NDUFAF2: variants seen among roughly 807,000 people sequenced by gnomAD.
NDUFAF2 encodes NADH:ubiquinone oxidoreductase complex assembly factor 2.
Under a neutral mutation model 22.8 loss-of-function variants are expected in NDUFAF2, and 13 were observed. The observed-to-expected ratio is 0.57, with a 90% confidence interval of 0.37 to 0.91. The LOEUF (loss-of-function observed/expected upper bound fraction) is 0.91. Among genes scored for constraint, NDUFAF2 ranks in the 40% least tolerant of loss-of-function variants. The probability of loss-of-function intolerance (pLI) is 0.01; values close to 1 mark genes in which losing one functional copy is unlikely to be tolerated. For synonymous variants in NDUFAF2, 53 were observed against 64.2 expected, an observed-to-expected ratio of 0.83 and a Z score of 0.84; for missense variants, 162 against 195.2, an observed-to-expected ratio of 0.83 and a Z score of 1.01.
intron 1 of NDUFAF2, among the ~76,000 whole-genome samples, chr5:60,954,311 G>A (rs938173737): frequency 6.6e-6 from 1 of 152,164 alleles, no homozygotes; most frequent in Non-Finnish European, 1.5e-5. Context: ...GATATATAGA[G>A]AGAGGAAAAT....
intron 1 of NDUFAF2, among the ~76,000 whole-genome samples, chr5:61,006,178 G>T (rs1580090852): frequency 6.6e-6 from 1 of 152,162 alleles, no homozygotes; most frequent in Admixed American, 6.5e-5. Context: ...AGTTTTCCCA[G>T]CACCATTTAT....
chr5:61,096,591 C>T (rs1186493863), intron 2 of NDUFAF2, among the ~76,000 whole-genome samples: 3 of 111,554 alleles, frequency 2.7e-5, no homozygotes, highest in African/African-American at 1.1e-4. Context: ...GAGTGAGACA[C>T]CATTGCAAAA....
intron 1 of NDUFAF2, among the ~76,000 whole-genome samples, chr5:60,996,502 A>C (rs1751230697): frequency 6.6e-6 from 1 of 152,004 alleles, no homozygotes. Context: ...GCTGTGTAGC[A>C]TGGGGTTAGG....
intron 1 of NDUFAF2, among the ~76,000 whole-genome samples, chr5:60,983,685 A>G (rs974320117): frequency 6.6e-6 from 1 of 150,912 alleles, no homozygotes; most frequent in African/African-American, 2.4e-5. Context: ...TGTTTTTGTC[A>G]GGTTTGTCAA....
At chr5:61,010,569 G>A (rs1298934201) in intron 1 of NDUFAF2, among the ~76,000 whole-genome samples, 1 of 152,024 alleles carries the variant, frequency 6.6e-6, no homozygotes, top group Non-Finnish European at 1.5e-5. Context: ...GACTGGGTTA[G>A]AATCCTGTGC....
At chr5:61,052,472 G>A (rs1752037051) in intron 1 of NDUFAF2, among the ~76,000 whole-genome samples, 2 of 151,946 alleles carry the variant, frequency 1.3e-5, no homozygotes, top group South Asian at 4.1e-4. Flanking sequence ...CACCATGCCC[G>A]GCTAATTTTT....
chr5:60,955,303 A>G (rs1182960778), intron 1 of NDUFAF2, among the ~76,000 whole-genome samples: 1 of 152,148 alleles, frequency 6.6e-6, no homozygotes, highest in African/African-American at 2.4e-5. Context: ...AGTTTTCCCA[A>G]TACCATTTAT....
At chr5:60,984,658 G>T (rs1164369486) in intron 1 of NDUFAF2, among the ~76,000 whole-genome samples, 1 of 152,146 alleles carries the variant, frequency 6.6e-6, no homozygotes, top group Non-Finnish European at 1.5e-5. Flanking sequence ...AGATAATGTG[G>T]TTTTTGTTGT....
chr5:61,031,363 T>G (rs1751724504), intron 1 of NDUFAF2, among the ~76,000 whole-genome samples: 1 of 152,072 alleles, frequency 6.6e-6, no homozygotes, highest in South Asian at 2.1e-4. Context: ...TGTCCATGTG[T>G]TCTCATTGTT....
intron 1 of NDUFAF2, among the ~76,000 whole-genome samples, chr5:60,962,765 G>A (rs750418586): frequency 1.3e-5 from 2 of 151,198 alleles, no homozygotes; most frequent in Non-Finnish European, 1.5e-5. Context: ...CCCGGGAGGC[G>A]GAGGTTGCAG....
chr5:61,062,153 G>A (rs1163634376), intron 1 of NDUFAF2, among the ~76,000 whole-genome samples: 2 of 152,094 alleles, frequency 1.3e-5, no homozygotes, highest in Non-Finnish European at 2.9e-5. Flanking sequence ...AAGAAACATG[G>A]AAAAGCAAGG....
intron 1 of NDUFAF2, among the ~76,000 whole-genome samples, chr5:60,971,204 T>A (rs1455625821): frequency 6.6e-6 from 1 of 151,992 alleles, no homozygotes; most frequent in Non-Finnish European, 1.5e-5. Context: ...GCAGGTTTGT[T>A]ACATATGTAT....
At chr5:61,129,040 A>G (rs1753073935) in intron 3 of NDUFAF2, among the ~76,000 whole-genome samples, 1 of 152,246 alleles carries the variant, frequency 6.6e-6, no homozygotes, top group Non-Finnish European at 1.5e-5. Flanking sequence ...CAGACACATG[A>G]AAAAGTGCTC....
At chr5:60,954,383 G>T (rs1013978600) in intron 1 of NDUFAF2, among the ~76,000 whole-genome samples, 7 of 152,158 alleles carry the variant, frequency 4.6e-5, no homozygotes, top group Non-Finnish European at 8.8e-5. Context: ...CAAGCATGTT[G>T]AAAGGTTCCT....
chr5:61,034,649 A>G (rs1282231893), intron 1 of NDUFAF2, among the ~76,000 whole-genome samples: 1 of 152,168 alleles, frequency 6.6e-6, no homozygotes, highest in African/African-American at 2.4e-5. Context: ...CACACACACC[A>G]TATATTTTTG....
intron 2 of NDUFAF2, among the ~76,000 whole-genome samples, chr5:61,084,079 T>C (rs1326516977): frequency 6.6e-6 from 1 of 151,716 alleles, no homozygotes. Flanking sequence ...TTTTCACTGT[T>C]AGGTATGATA....
intron 1 of NDUFAF2, among the ~76,000 whole-genome samples, chr5:61,017,389 CTTTT>C (rs33980282): frequency 6.6e-6 from 1 of 150,836 alleles, no homozygotes. Flanking sequence ...TTTGGGCACA[CTTTT>C]TTTTTTAATT....
intron 1 of NDUFAF2, among the ~76,000 whole-genome samples, chr5:60,973,672 A>T (rs1224858565): frequency 2.6e-5 from 4 of 152,152 alleles, no homozygotes; most frequent in Non-Finnish European, 5.9e-5. Flanking sequence ...GGAGTCTTAT[A>T]ATTTTAGTAG....
At chr5:61,088,577 A>G (rs979836428) in intron 2 of NDUFAF2, among the ~76,000 whole-genome samples, 2 of 152,166 alleles carry the variant, frequency 1.3e-5, no homozygotes, top group African/African-American at 4.8e-5. Context: ...CACACTTGAA[A>G]TGGCTCACAG....
Sources: gnomAD v4.1 joint callset for allele counts (sites outside exome capture counted in the v4.1 genomes callset) on GRCh38, gnomAD v4.1.1 for gene constraint, MANE v1.5 for transcripts, NCBI Gene and HGNC (gene_info 2026-07-23, HGNC 2026-07-21) for gene names.